HK3: variants seen among roughly 807,000 people sequenced by gnomAD.
HK3 encodes hexokinase 3.
Under a neutral mutation model 91.0 loss-of-function variants are expected in HK3, and 93 were observed. The observed-to-expected ratio is 1.02, with a 90% CI of 0.86 to 1.21. The LOEUF (loss-of-function observed/expected upper bound fraction) is 1.21. Among genes scored for constraint, HK3 ranks in the 50% most tolerant of loss-of-function variants. The pLI, the probability that HK3 is intolerant of heterozygous loss-of-function variation, is 0.00. For synonymous variants in HK3, 519 were observed against 516.9 expected, an observed-to-expected ratio of 1.00 and a Z score of -0.06; for missense variants, 1,235 against 1,247.4, an observed-to-expected ratio of 0.99 and a Z score of 0.15.
At chr5:176,892,224 G>A (rs1255632562) in intron 2 of HK3, among the ~76,000 whole-genome samples, 3 of 152,192 alleles carry the variant, frequency 2.0e-5, no homozygotes, top group East Asian at 1.9e-4. Flanking sequence ...CAGTAGTGAT[G>A]GTGGCTATTA....
chr5:176,882,065 A>G lies in HK3; in HGVS notation c.2116T>C (p.Ser706Pro). ...LRNVAGVPGD[S>P]GRMCINMEWG... ...TCCATGTTGATGCACATGCGGCCTG[A>G]GTCCCCAGGCACGCCCGCCACATTC... Residue 706 changes from serine (S) to proline (P), a missense_variant, in exon 16 of 19, where the codon TCA (serine) becomes CCA (proline). By Grantham distance (74) the Ser-to-Pro change is moderately conservative (BLOSUM62 -1). Around this residue, in one of 3 missense-constraint regions of HK3, gnomAD observed 513 missense variants for 477.4 expected, o/e 1.07. Coordinates refer to ENST00000292432, the MANE Select transcript of HK3 (RefSeq NM_002115.3). The G allele has an allele frequency of 6.2e-7, 1 of 1,612,944 alleles. No individual in the cohort carries two copies. Among genetic ancestry groups the G allele is most frequent in the Non-Finnish European group, 8.5e-7 (1 of 1,180,018 alleles).
At position 176,889,488 on chromosome 5, in the gene HK3, G is replaced by A. The variant is rs201337728; in HGVS notation, c.807C>T (p.Cys269=). The change falls in exon 8 of 19, where the codon TGC becomes TGT. Residue 269 remains cysteine (C), a synonymous_variant. Transcript: ENST00000292432. ...AVLDEDRGRV[C]VSVEWGSFSD... ...TGAAGGAGCCCCACTCGACGCTGAC[G>A]CAGACGCGGCCCCGGTCTTCGTCCA... 75 of 1,614,160 alleles carry A rather than the reference G, an allele frequency of 4.6e-5. No homozygotes were observed. The highest frequency in any genetic ancestry group is 1.0e-4 in the Admixed American group (6 of 60,026).
At chr5:176,890,601 G>T in intron 6 of HK3, 34 bp downstream of exon 6, 1 of 1,589,656 alleles carries the variant, frequency 6.3e-7, no homozygotes, top group Non-Finnish European at 8.6e-7. Flanking sequence ...AGGCCAACAT[G>T]GGCAGCCCTC....
At chr5:176,890,374 G>A (rs1223785738) in intron 6 of HK3, among the ~76,000 whole-genome samples, 1 of 152,218 alleles carries the variant, frequency 6.6e-6, no homozygotes, top group Non-Finnish European at 1.5e-5. Context: ...ACCTTGAGGA[G>A]GAGGTCAAAG....
rs188423746 is a variant in HK3, at chr5:176,882,104, T to C, written c.2077A>G (p.Met693Val). The C allele has an allele frequency of 1.2e-6, 2 of 1,613,116 alleles. No individual in the cohort carries two copies. The highest frequency in any genetic ancestry group is 1.7e-6 in the Non-Finnish European group (2 of 1,180,032). Residue 693 changes from methionine (M) to valine (V), a missense_variant, in exon 16 of 19, where the codon ATG becomes GTG. Met to Val is a conservative substitution (Grantham distance 21). Transcript: ENST00000292432. ...IVGTGTNACY[M>V]EELRNVAGVP... ...CCCGCCACATTCCGGAGCTCCTCCA[T>C]GTAGCAGGCATTGGTGCCGGTTCCT...
chr5:176,880,982 C>T lies in HK3; in HGVS notation c.*91G>A, dbSNP rs1036052311. The T allele has an allele frequency of 2.0e-5, 28 of 1,435,386 alleles. No individual in the cohort carries two copies. The highest frequency in any genetic ancestry group is 1.7e-5 in the Non-Finnish European group (18 of 1,081,398). The allele number at this position is 1,435,386 out of a possible 1,614,324, so 88.9% of individuals were successfully genotyped here. A position where few individuals can be genotyped will look rare whatever the true frequency, so the allele number is the denominator to read the frequency against. ...GTCACACATGGGATGTCCCAGGAGT[C>T]CTGGGTGGCTGGGCCTGGCTGGGAA... On this transcript the variant is annotated 3_prime_UTR_variant, in exon 19 of 19. Coordinates refer to ENST00000292432, the MANE Select transcript of HK3 (RefSeq NM_002115.3).
At chr5:176,891,648 T>C in intron 2 of HK3, 98 bp from the exon 3 acceptor site, 1 of 1,223,006 alleles carries the variant, frequency 8.2e-7, no homozygotes, top group Non-Finnish European at 1.1e-6. Flanking sequence ...CCCAGCCCAC[T>C]CCTCGGCTCT....
At chr5:176,881,601 A>G in intron 17 of HK3, 66 bp from the exon 18 acceptor site, 13 of 1,589,360 alleles carry the variant, frequency 8.2e-6, no homozygotes, top group Non-Finnish European at 1.1e-5. Flanking sequence ...CATCCTCCAG[A>G]GCAGACCTCG....
rs934156521 is a variant in HK3 at position 176,890,640 on chromosome 5, G to T, written c.625C>A (p.Gln209Lys). 3 of 1,613,746 alleles carry T rather than the reference G, an allele frequency of 1.9e-6. No homozygotes were observed. Among genetic ancestry groups the T allele is most frequent in the Non-Finnish European group, 2.5e-6 (3 of 1,179,794 alleles). ...TCACCCCTCCCTCCACTCACCCCCTGCCTCCGAATGGCATCTCTCAGCAGC... is the reference window on the plus strand; with the variant it reads ...TCACCCCTCCCTCCACTCACCCCCTTCCTCCGAATGGCATCTCTCAGCAGC... Reference protein sequence around the residue: ...VQLLRDAIRRQGAYNIDVVAV... With the variant: ...VQLLRDAIRRKGAYNIDVVAV... Residue 209 changes from glutamine (Q) to lysine (K), a missense_variant, in exon 6 of 19, where the codon CAG becomes AAG. This residue lies in a region of HK3 where 717 missense variants were observed against 751.6 expected (regional missense o/e 0.95). Transcript: ENST00000292432.
chr5:176,890,756 C>T (rs1477145355), intron 5 of HK3, 26 bp from the exon 6 acceptor site: 3 of 1,614,148 alleles, frequency 1.9e-6, no homozygotes, highest in Admixed American at 1.7e-5. Flanking sequence ...CTGGGTTACT[C>T]CTCTGACGGC....
In HK3 at chr5:176,881,358, C is replaced by T. The variant is rs1425246444; in HGVS notation, c.2571G>A (p.Leu857=). 4 of 1,613,920 alleles carry T rather than the reference C, an allele frequency of 2.5e-6. No individual in the cohort carries two copies. Among genetic ancestry groups the T allele is most frequent in the Non-Finnish European group, 3.4e-6 (4 of 1,180,042 alleles). ...CCCCCACAGACACTGCCAGCTCTTC[C>T]AGGCCCCGGTTCTCCCGGATCTTCT... The part of the protein sequence containing the change: ...VVEKIRENRG[L]EELAVSVGVD... The change falls in exon 18 of 19, where the codon CTG becomes CTA. Residue 857 remains leucine, a synonymous_variant. Transcript: ENST00000292432.
chr5:176,897,029 C>T (rs1480539735), intron 1 of HK3, among the ~76,000 whole-genome samples: 1 of 152,102 alleles, frequency 6.6e-6, no homozygotes. Context: ...AAGGCAGCTG[C>T]ACCCCATCTC....
rs267600567 is a variant in HK3 at position 176,887,476 on chromosome 5, G to A, written c.1575C>T (p.Phe525=). ...CGCTGCCGTCAGGGGTGGCCCGGAC[G>A]AAAGTGGGCAGCATGCGAAGGGAGG... ...EASSLRMLPT[F]VRATPDGSER... The change falls in exon 11 of 19, where the codon TTC becomes TTT. Residue 525 remains phenylalanine (F), a synonymous_variant. Coordinates refer to ENST00000292432, the MANE Select transcript of HK3 (RefSeq NM_002115.3). This position sits in a 1 kb window ranked among gnomAD's most constrained non-coding sequence, Gnocchi z 4.9. The A allele has an allele frequency of 2.3e-5, 37 of 1,612,760 alleles. No individual in the cohort carries two copies. The highest frequency in any genetic ancestry group is 3.0e-5 in the Non-Finnish European group (35 of 1,179,070).
At chr5:176,898,705 A>C (rs1758966461) in intron 1 of HK3, among the ~76,000 whole-genome samples, 2 of 152,208 alleles carry the variant, frequency 1.3e-5, no homozygotes, top group African/African-American at 4.8e-5. Flanking sequence ...CCTTCACTGC[A>C]GTATCCCCAG....
Position 176,890,630 on chromosome 5 carries a change from C to A in HK3, c.630+5G>T. 1 of 1,613,734 alleles carries A rather than the reference C, an allele frequency of 6.2e-7. No individual in the cohort carries two copies. The highest frequency in any genetic ancestry group is 1.1e-5 in the South Asian group (1 of 91,082). On this transcript the variant is annotated splice_donor_5th_base_variant and intron_variant, in intron 6 of 18. Transcript: ENST00000292432. ...AGCCCTCCTGTCACCCCTCCCTCCA[C>A]TCACCCCCTGCCTCCGAATGGCATC...
In HK3 at chr5:176,890,602, G is replaced by T. The variant is rs1462884497; in HGVS notation, c.630+33C>A. The T allele has an allele frequency of 2.5e-6, 4 of 1,594,548 alleles. No homozygotes were observed. In the South Asian group the frequency reaches 3.3e-5, roughly 13 times the overall value. ...TGTGTGCCAGGCCCAGGCCAACATG[G>T]GCAGCCCTCCTGTCACCCCTCCCTC... On this transcript the variant is annotated intron_variant, in intron 6 of 18. Transcript: ENST00000292432.
chr5:176,887,870 G>T lies in HK3; in HGVS notation c.1305-124C>A. ...GCCCAGCTTGGCCCCAGACCCCTAGGGCCTCCTGAAGCCCAAGGCCCCATC... is the reference window on the plus strand; with the variant it reads ...GCCCAGCTTGGCCCCAGACCCCTAGTGCCTCCTGAAGCCCAAGGCCCCATC... On this transcript the variant is annotated intron_variant, in intron 10 of 18. Transcript: ENST00000292432. This position sits in a 1 kb window ranked among gnomAD's most constrained non-coding sequence, Gnocchi z 4.9. 1.1e-6 allele frequency: 1 copy of T among 947,830 alleles called. No homozygotes were observed. Among genetic ancestry groups the T allele is most frequent in the Non-Finnish European group, 1.6e-6 (1 of 638,870 alleles). 58.7% of individuals were successfully genotyped at this position (947,830 alleles called of 1,614,324 possible).
rs145833406 is a variant in HK3, at chr5:176,889,528, C to T, written c.767G>A (p.Arg256Gln). Reference sequence around the variant, plus strand: ...GTCTTCGTCCAGCACTGCCACATGCCGTGCCTCCTCCATGTAACACGCGTT... The same window carrying T: ...GTCTTCGTCCAGCACTGCCACATGCTGTGCCTCCTCCATGTAACACGCGTT... ...GTNACYMEEARHVAVLDEDRG... is the reference protein window; with the variant it reads ...GTNACYMEEAQHVAVLDEDRG... Residue 256 changes from arginine to glutamine, a missense_variant, in exon 8 of 19, where the codon CGG becomes CAG. Physicochemically the swap from Arg to Gln is conservative, Grantham distance 43 (BLOSUM62 1). This residue lies in a region of HK3 where 717 missense variants were observed against 751.6 expected (regional missense o/e 0.95). Transcript: ENST00000292432. 28 of 1,614,092 alleles carry T rather than the reference C, an allele frequency of 1.7e-5. No homozygotes were observed. Among genetic ancestry groups the T allele is most frequent in the East Asian group, 2.2e-5 (1 of 44,896 alleles).
chr5:176,887,968 A>G lies in HK3; in HGVS notation c.1305-222T>C, dbSNP rs1758648068. Among the ~76,000 whole-genome samples, 1 of 151,674 alleles carries G rather than the reference A, an allele frequency of 6.6e-6. No individual in the cohort carries two copies. The highest frequency in any genetic ancestry group is 1.9e-4 in the East Asian group (1 of 5,164). ...CAAGCTAGAGTGCCACGGAGTGATC[A>G]TGGCTTACTGTAACCTCAAACTCCC... On this transcript the variant is annotated intron_variant, in intron 10 of 18. Coordinates refer to ENST00000292432, the MANE Select transcript of HK3 (RefSeq NM_002115.3). This position sits in a 1 kb window ranked among gnomAD's most constrained non-coding sequence, Gnocchi z 4.9.
Sources: gnomAD v4.1 joint callset for allele counts (sites outside exome capture counted in the v4.1 genomes callset) on GRCh38, gnomAD v4.1.1 for gene constraint, gnomAD v4.1.1 regional missense constraint, Gnocchi (gnomAD v3.1) non-coding constraint, MANE v1.5 for transcripts, NCBI Gene and HGNC (gene_info 2026-07-23, HGNC 2026-07-21) for gene names.